The following CFAP20DC variants were observed in gnomAD, a reference collection of about 807,000 sequenced individuals.
CFAP20DC encodes the protein protein CFAP20DC.
In CFAP20DC, 84 loss-of-function variants were observed where a neutral mutation model predicts 101.7. That is an observed-to-expected ratio of 0.83 (90% confidence interval 0.69 to 0.99). CFAP20DC has a LOEUF of 0.99. Among genes scored for constraint, CFAP20DC ranks in the 50% least tolerant of loss-of-function variants. The pLI, the probability that CFAP20DC is intolerant of heterozygous loss-of-function variation, is 0.00. For synonymous variants in CFAP20DC, 359 were observed against 351.2 expected, an observed-to-expected ratio of 1.02 and a Z score of -0.25; for missense variants, 1,007 against 970.3, an observed-to-expected ratio of 1.04 and a Z score of -0.50.
chr3:58,936,122 C>G (rs1295046181), intron 5 of CFAP20DC, among the ~76,000 whole-genome samples: 4 of 152,140 alleles, frequency 2.6e-5, no homozygotes, highest in Non-Finnish European at 4.4e-5. Context: ...AGGACATGAA[C>G]AGACACTTCT....
chr3:59,006,911 T>G lies in CFAP20DC; in HGVS notation c.278+32646A>C, dbSNP rs957902551. The stretch of plus-strand genomic sequence containing the variant: ...ACTGGGAGGCAAGGCCTGAAAGCCT[T>G]GCTTGCTTTCTCAGCGTGGAAGCTT... On this transcript the variant is annotated intron_variant, in intron 4 of 16. Coordinates refer to ENST00000482387, the MANE Select transcript of CFAP20DC (RefSeq NM_001394063.1). This position sits in a 1 kb window ranked among gnomAD's most constrained non-coding sequence, Gnocchi z 4.3. Among the ~76,000 whole-genome samples the G allele has an allele frequency of 6.6e-6, 1 of 152,214 alleles. No individual in the cohort carries two copies. Among genetic ancestry groups the G allele is most frequent in the Non-Finnish European group, 1.5e-5 (1 of 68,040 alleles).
chr3:58,735,714 T>A (rs2067738030), intron 3 of CFAP20DC, among the ~76,000 whole-genome samples: 1 of 152,180 alleles, frequency 6.6e-6, no homozygotes, highest in Non-Finnish European at 1.5e-5. Flanking sequence ...AGTCCCCAGA[T>A]AATGCAATGT....
chr3:58,826,616 C>T (rs866957809), intron 14 of CFAP20DC, among the ~76,000 whole-genome samples: 3 of 152,118 alleles, frequency 2.0e-5, no homozygotes, highest in Non-Finnish European at 4.4e-5. Flanking sequence ...TCATCCATGT[C>T]CCTGCAAAGG....
chr3:58,976,790 C>T (rs2092297710), intron 4 of CFAP20DC, among the ~76,000 whole-genome samples: 1 of 152,096 alleles, frequency 6.6e-6, no homozygotes, highest in African/African-American at 2.4e-5. Context: ...GGTTCACCAG[C>T]AGGTCTACAT....
At chr3:58,948,413 CT>C (rs1464439459) in intron 4 of CFAP20DC, among the ~76,000 whole-genome samples, 1 of 152,140 alleles carries the variant, frequency 6.6e-6, no homozygotes, top group Non-Finnish European at 1.5e-5. Flanking sequence ...TTTTTAACTT[CT>C]ATTACTGAAT....
At chr3:58,903,600 T>C (rs774575030) in intron 6 of CFAP20DC, among the ~76,000 whole-genome samples, 33 of 152,162 alleles carry the variant, frequency 2.2e-4, no homozygotes, top group Non-Finnish European at 3.8e-4. Context: ...AAACATGTTC[T>C]TCTTCATAAA....
At chr3:58,824,567 T>A (rs1195859360) in intron 14 of CFAP20DC, 1 of 152,148 alleles carries the variant, frequency 6.6e-6, no homozygotes, top group South Asian at 2.1e-4. Flanking sequence ...AATCCTGCCA[T>A]GTTAAAAGGT....
chr3:58,982,696 G>A (rs2092606907), intron 4 of CFAP20DC, among the ~76,000 whole-genome samples: 1 of 122,506 alleles, frequency 8.2e-6, no homozygotes, highest in Non-Finnish European at 1.6e-5. Context: ...ATCACACTTC[G>A]GAGACTGTTG....
At chr3:58,847,860 C>A (rs2077825095) in intron 13 of CFAP20DC, among the ~76,000 whole-genome samples, 1 of 118,970 alleles carries the variant, frequency 8.4e-6, no homozygotes, top group Non-Finnish European at 1.7e-5. Context: ...AGTTCATGTC[C>A]TTTGTAGGGA....
rs1177185376 is a variant in CFAP20DC, at chr3:58,819,051, T to C, written c.2176-12595A>G. Among the ~76,000 whole-genome samples, 22 of 150,270 alleles carry C rather than the reference T, an allele frequency of 1.5e-4. No homozygotes were observed. The East Asian group carries it at 4.2e-3, about 28-fold the overall frequency. ...TGCTCCTGAATGACTACTGGGTACA[T>C]AACGAAATGAAGGCAGAAATAAAGA... is the stretch of plus-strand genomic sequence containing the variant. On this transcript the variant is annotated intron_variant, in intron 14 of 16. Transcript: ENST00000482387.
intron 4 of CFAP20DC, among the ~76,000 whole-genome samples, chr3:59,034,475 G>T (rs1383483345): frequency 1.3e-5 from 2 of 152,092 alleles, no homozygotes; most frequent in African/African-American, 4.8e-5. Context: ...ACACACATAG[G>T]CTCAAAATAA....
downstream of CFAP20DC, chr3:58,741,960 T>G (rs73837943): frequency 1.7e-3 from 812 of 469,494 alleles, 7 homozygotes; most frequent in African/African-American, 0.016. Context: ...TATAGGAATA[T>G]TCTGGAAAAG....
intron 15 of CFAP20DC, among the ~76,000 whole-genome samples, chr3:58,793,515 G>A (rs1369339081): frequency 6.6e-6 from 1 of 152,066 alleles, no homozygotes; most frequent in Admixed American, 6.6e-5. Context: ...GGTTTCAATA[G>A]GAGTGTTGTT....
chr3:58,745,638 A>T lies in CFAP20DC; in HGVS notation c.2333-3066T>A, dbSNP rs538705754. 9.2e-5 allele frequency among the ~76,000 whole-genome samples: 14 copies of T among 152,352 alleles called. 1 individual carries two copies. In the South Asian group the frequency reaches 2.5e-3, roughly 27 times the overall value. On this transcript the variant is annotated intron_variant, in intron 16 of 16. Coordinates refer to ENST00000482387, the MANE Select transcript of CFAP20DC (RefSeq NM_001394063.1). The stretch of plus-strand genomic sequence containing the variant: ...ATATGCATAACACAGCACACATAGT[A>T]GTTGTTTAATAAATGATAGTTACTA...
intron 13 of CFAP20DC, among the ~76,000 whole-genome samples, chr3:58,848,179 A>AG (rs397691583): frequency 6.7e-6 from 1 of 149,792 alleles, no homozygotes; most frequent in Non-Finnish European, 1.5e-5. Context: ...AAAAAAAAAA[A>AG]GGGCTTGGTA....
intron 4 of CFAP20DC, among the ~76,000 whole-genome samples, chr3:59,037,710 A>C (rs143624443): frequency 1.3e-5 from 2 of 151,978 alleles, no homozygotes; most frequent in East Asian, 1.9e-4. Flanking sequence ...ACTGTAGAAT[A>C]AATGTGGCGA....
chr3:58,949,421 A>G (rs1423157007), intron 4 of CFAP20DC, among the ~76,000 whole-genome samples: 1 of 152,082 alleles, frequency 6.6e-6, no homozygotes, highest in Non-Finnish European at 1.5e-5. Context: ...GTGGGCATTT[A>G]GAGCTATAAA....
intron 6 of CFAP20DC, among the ~76,000 whole-genome samples, chr3:58,902,669 C>G (rs963967765): frequency 2.0e-5 from 3 of 152,082 alleles, no homozygotes; most frequent in Admixed American, 6.5e-5. Flanking sequence ...ACAGTCATCC[C>G]TTGGTATCCA....
At chr3:58,800,697 A>G (rs1656699146) in intron 15 of CFAP20DC, among the ~76,000 whole-genome samples, 1 of 152,154 alleles carries the variant, frequency 6.6e-6, no homozygotes, top group African/African-American at 2.4e-5. Flanking sequence ...ACCAGTGCCT[A>G]TGGATCTTTG....
Sources: gnomAD v4.1 joint callset for allele counts (sites outside exome capture counted in the v4.1 genomes callset) on GRCh38, gnomAD v4.1.1 for gene constraint, Gnocchi (gnomAD v3.1) non-coding constraint, MANE v1.5 for transcripts, NCBI Gene and HGNC (gene_info 2026-07-23, HGNC 2026-07-21) for gene names.